Variants in SOS2 observed in about 807,000 individuals in gnomAD.
SOS2 encodes son of sevenless homolog 2.
Under a neutral mutation model 148.2 loss-of-function variants are expected in SOS2, and 65 were observed. The observed-to-expected ratio is 0.44, with a 90% CI of 0.36 to 0.54. SOS2 has a LOEUF of 0.54. Ranked by LOEUF, SOS2 falls within the 20% of genes least tolerant of loss-of-function variation. SOS2 has a pLI of 0.00. For synonymous variants in SOS2, 539 were observed against 537.1 expected (o/e 1.00, Z -0.05); for missense variants, 1,341 against 1,590.2 (o/e 0.84, Z 2.67).
At chr14:50,172,543 T>C (rs569114617) in intron 8 of SOS2, among the ~76,000 whole-genome samples, 2 of 151,906 alleles carry the variant, frequency 1.3e-5, no homozygotes, top group Admixed American at 1.3e-4. Flanking sequence ...GTATTTTTAG[T>C]AGAGACTAAA....
intron 1 of SOS2, among the ~76,000 whole-genome samples, chr14:50,226,215 G>C (rs1887369814): frequency 6.6e-6 from 1 of 152,132 alleles, no homozygotes; most frequent in African/African-American, 2.4e-5. Flanking sequence ...GGCCAAGGTG[G>C]GAGGATCGCT....
intron 13 of SOS2, among the ~76,000 whole-genome samples, chr14:50,152,087 A>G (rs917135279): frequency 3.3e-5 from 5 of 152,240 alleles, no homozygotes; most frequent in African/African-American, 1.2e-4. Context: ...AATGTATCAT[A>G]AACATCTCAA....
chr14:50,118,497 A>C lies in SOS2; in HGVS notation c.3846T>G (p.Asn1282Lys). The change falls in exon 23 of 23, where the codon AAT (asparagine) becomes AAG (lysine). Residue 1282 changes from asparagine (N) to lysine (K), a missense_variant. By Grantham distance (94) the Asn-to-Lys change is moderately conservative. Coordinates refer to ENST00000216373, the MANE Select transcript of SOS2 (RefSeq NM_006939.4). ...RRCYVLSSSQNNLAHPPAPPV... is the reference protein window; with the variant it reads ...RRCYVLSSSQKNLAHPPAPPV... Reference sequence around the variant, plus strand: ...GGGGAGCTGGAGGATGAGCAAGATTATTCTGACTAGAACTGAGCACATAGC... The same window carrying C: ...GGGGAGCTGGAGGATGAGCAAGATTCTTCTGACTAGAACTGAGCACATAGC... The C allele has an allele frequency of 6.2e-7, 1 of 1,614,134 alleles. No homozygotes were observed. Among genetic ancestry groups the C allele is most frequent in the Non-Finnish European group, 8.5e-7 (1 of 1,180,012 alleles).
chr14:50,225,629 T>C (rs1295239572), intron 1 of SOS2, among the ~76,000 whole-genome samples: 3 of 152,208 alleles, frequency 2.0e-5, no homozygotes, highest in Non-Finnish European at 4.4e-5. Context: ...TGGGTCATTA[T>C]TAGTTTGGAA....
Position 50,199,833 on chromosome 14 carries a change from T to A in SOS2, c.368A>T (p.Asp123Val). The A allele has an allele frequency of 6.3e-7, 1 of 1,586,302 alleles. No homozygotes were observed. Among genetic ancestry groups the A allele is most frequent in the Non-Finnish European group, 8.6e-7 (1 of 1,160,628 alleles). ...SLKEVLGYKV[D>V]YHVSLYIVAV... is the part of the protein sequence containing the mutation. ...CACAATATATAGGGATACATGGTAGTCCACTTTGTACCCTAATACTTCCTG... is the reference window on the plus strand; with the variant it reads ...CACAATATATAGGGATACATGGTAGACCACTTTGTACCCTAATACTTCCTG... Residue 123 changes from aspartate to valine, a missense_variant, in exon 4 of 23, where the codon GAC (aspartate) becomes GTC (valine). Physicochemically the swap from Asp to Val is radical, Grantham distance 152 (BLOSUM62 -3). This residue lies in a region of SOS2 where 574 missense variants were observed against 711.1 expected (regional missense o/e 0.81). Transcript: ENST00000216373.
chr14:50,138,541 T>C (rs1033679158), intron 18 of SOS2, 71 bp downstream of exon 18: 1 of 673,530 alleles, frequency 1.5e-6, no homozygotes, highest in South Asian at 2.7e-5. Context: ...GTATGTCTTA[T>C]TCATTCTATT....
At chr14:50,224,308 TATATATACACACAC>T in intron 1 of SOS2, among the ~76,000 whole-genome samples, 2 of 68,990 alleles carry the variant, frequency 2.9e-5, no homozygotes, top group Middle Eastern at 0.013. Flanking sequence ...AAAAAAAATA[TATATATACACACAC>T]ACACACACAC....
intron 1 of SOS2, among the ~76,000 whole-genome samples, chr14:50,224,305 AT>A (rs59168033): frequency 0.18 from 9,391 of 53,270 alleles, 774 homozygotes; most frequent in Admixed American, 0.2. Flanking sequence ...AAAAAAAAAA[AT>A]ATATATATAC....
At chr14:50,201,111 A>G (rs1340603262) in intron 2 of SOS2, 27 bp from the exon 3 acceptor site, 2 of 1,607,116 alleles carry the variant, frequency 1.2e-6, no homozygotes, top group Admixed American at 1.7e-5. Context: ...GAACCATTGT[A>G]GTATTAATAA....
intron 7 of SOS2, among the ~76,000 whole-genome samples, chr14:50,176,412 G>A (rs1048623540): frequency 2.0e-5 from 3 of 152,164 alleles, no homozygotes; most frequent in Admixed American, 2.0e-4. Flanking sequence ...TGCTTGAACT[G>A]GAACCAATAT....
chr14:50,179,317 T>C (rs1332497220), intron 7 of SOS2, among the ~76,000 whole-genome samples: 2 of 152,192 alleles, frequency 1.3e-5, no homozygotes, highest in Non-Finnish European at 2.9e-5. Flanking sequence ...ATTTGTTTGC[T>C]TGTTTGTTTC....
intron 8 of SOS2, among the ~76,000 whole-genome samples, chr14:50,165,849 G>A (rs1445484860): frequency 1.3e-5 from 2 of 152,212 alleles, no homozygotes; most frequent in South Asian, 2.1e-4. Context: ...TGTAACACGA[G>A]GTACTATAAT....
rs200021758 is a variant in SOS2, at chr14:50,160,379, C to CTT, written c.1197-295_1197-294dup. 1.8e-3 allele frequency among the ~76,000 whole-genome samples: 139 copies of CTT among 78,908 alleles called. 10 individuals are homozygous for CTT. The highest frequency in any genetic ancestry group is 0.022 in the Middle Eastern group (2 of 90). The allele number at this position is 78,908 out of a possible 152,430, so 51.8% of individuals were successfully genotyped here. On this transcript the variant is annotated intron_variant, in intron 9 of 22. Transcript: ENST00000216373. ...ATCCTAATAATATAACAATGCTAATCTTTTTTTTTTTTTTTTTTTTTTTTT... is the reference window on the plus strand; with the variant it reads ...ATCCTAATAATATAACAATGCTAATCTTTTTTTTTTTTTTTTTTTTTTTTTTT...
chr14:50,214,601 G>A (rs560435689), intron 1 of SOS2, among the ~76,000 whole-genome samples: 2 of 151,986 alleles, frequency 1.3e-5, no homozygotes, highest in African/African-American at 2.4e-5. Context: ...TCCTTGGGCC[G>A]AGGAGTTTCA....
At chr14:50,148,936 C>G (rs535037350) in intron 14 of SOS2, among the ~76,000 whole-genome samples, 7 of 152,286 alleles carry the variant, frequency 4.6e-5, no homozygotes, top group African/African-American at 1.7e-4. Flanking sequence ...CACTCTGTCA[C>G]TCAAGCTGGA....
rs911072992 is a variant in SOS2, at chr14:50,158,511, T to C, written c.1934+54A>G. On this transcript the variant is annotated intron_variant, in intron 11 of 22. Transcript: ENST00000216373. Reference sequence around the variant, plus strand: ...ATTAGGTACTAGGCACTTTACAAAATACAGTTAATTTTTCACAAAATGTCA... The same window carrying C: ...ATTAGGTACTAGGCACTTTACAAAACACAGTTAATTTTTCACAAAATGTCA... The C allele has an allele frequency of 1.6e-5, 17 of 1,080,658 alleles. No individual in the cohort carries two copies. In the African/African-American group the frequency reaches 1.6e-4, roughly 10 times the overall value. The allele number at this position is 1,080,658 out of a possible 1,614,324, so 66.9% of individuals were successfully genotyped here.
intron 3 of SOS2, 113 bp from the exon 4 acceptor site, chr14:50,199,968 G>T: frequency 3.2e-6 from 2 of 632,896 alleles, no homozygotes; most frequent in Non-Finnish European, 5.4e-6. Context: ...TTAACTACAT[G>T]TCTAAATGTA....
chr14:50,134,812 G>T (rs555662263), intron 18 of SOS2, among the ~76,000 whole-genome samples: 3 of 151,908 alleles, frequency 2.0e-5, no homozygotes, highest in African/African-American at 7.3e-5. Context: ...GGTGGCTCAC[G>T]CCTGTAATCC....
At chr14:50,170,265 A>C (rs1747224201) in intron 8 of SOS2, among the ~76,000 whole-genome samples, 1 of 152,098 alleles carries the variant, frequency 6.6e-6, no homozygotes, top group Non-Finnish European at 1.5e-5. Context: ...ATTTCTACAA[A>C]CTGCTTTTTA....
Sources: gnomAD v4.1 joint callset for allele counts (sites outside exome capture counted in the v4.1 genomes callset) on GRCh38, gnomAD v4.1.1 for gene constraint, gnomAD v4.1.1 regional missense constraint, MANE v1.5 for transcripts, NCBI Gene and HGNC (gene_info 2026-07-23, HGNC 2026-07-21) for gene names.